Variants in CCDC198 observed in about 807,000 individuals in gnomAD.
CCDC198 encodes factor associated with metabolism and energy.
Under a neutral mutation model 35.6 loss-of-function variants are expected in CCDC198, and 18 were observed. The ratio of observed to expected loss-of-function variants is 0.51; its 90% CI spans 0.35 to 0.75. CCDC198 has a LOEUF of 0.75. CCDC198 is among the 30% of genes least tolerant of loss of function. The pLI, the probability that CCDC198 is intolerant of heterozygous loss-of-function variation, is 0.01. For synonymous variants in CCDC198, 119 were observed against 113.4 expected (o/e 1.05, Z -0.31); for missense variants, 365 against 343.7 (o/e 1.06, Z -0.49).
At chr14:57,484,743 C>T (rs1437016448) in intron 2 of CCDC198, among the ~76,000 whole-genome samples, 2 of 152,154 alleles carry the variant, frequency 1.3e-5, no homozygotes, top group Non-Finnish European at 2.9e-5. Context: ...CATGCAGGGC[C>T]TGACAGGCCA....
intron 5 of CCDC198, among the ~76,000 whole-genome samples, 194 bp from the exon 6 acceptor site, chr14:57,471,784 AGTT>A (rs1228477056): frequency 6.7e-6 from 1 of 149,918 alleles, no homozygotes; most frequent in East Asian, 1.9e-4. Context: ...AACATTTTTT[AGTT>A]GTTATTTTTT....
intron 5 of CCDC198, chr14:57,475,506 A>T: frequency 9.3e-7 from 1 of 1,070,578 alleles, no homozygotes. Flanking sequence ...CAGGAGTTCG[A>T]GACCAGCTTG....
Position 57,470,769 on chromosome 14 carries a change from A to G in CCDC198, c.*586T>C, listed in dbSNP as rs1179412082. ...GTAGTCCTCTTCTGCATTAACTCCA[A>G]GCTGGTCTATGACTTTAACCAACAG... is the stretch of plus-strand genomic sequence containing the variant. On this transcript the variant is annotated 3_prime_UTR_variant, in exon 6 of 6. Coordinates refer to ENST00000216445, the MANE Select transcript of CCDC198 (RefSeq NM_018168.4). The G allele has an allele frequency of 6.6e-6, 1 of 152,370 alleles. No individual in the cohort carries two copies. Among genetic ancestry groups the G allele is most frequent in the African/African-American group, 2.4e-5 (1 of 41,462 alleles). The allele number at this position is 152,370 out of a possible 1,614,324, so 9.4% of individuals were successfully genotyped here.
rs532102715 is a variant in CCDC198, at chr14:57,492,567, T to G, written c.223+926A>C. 7.9e-5 allele frequency among the ~76,000 whole-genome samples: 12 copies of G among 152,014 alleles called. No homozygotes were observed. In the East Asian group the frequency reaches 1.4e-3, roughly 17 times the overall value. On this transcript the variant is annotated intron_variant, in intron 1 of 5. Transcript: ENST00000216445. ...ATTCCCATCCATGTGCTTAAGAACT[T>G]GAAGAACATAAAGAACATAAAAACA... is the stretch of plus-strand genomic sequence containing the variant.
chr14:57,472,266 C>T (rs1380726642), intron 5 of CCDC198, among the ~76,000 whole-genome samples: 3 of 152,076 alleles, frequency 2.0e-5, no homozygotes, highest in Non-Finnish European at 4.4e-5. Context: ...TTTCTTTCTC[C>T]CACAATCTCT....
At chr14:57,485,846 C>G (rs2067341438) in intron 2 of CCDC198, among the ~76,000 whole-genome samples, 1 of 152,202 alleles carries the variant, frequency 6.6e-6, no homozygotes. Flanking sequence ...AAGTGGTTCT[C>G]TGTTCCATTC....
rs1460677020 is a variant in CCDC198 at position 57,483,208 on chromosome 14, A to G, written c.307-57T>C. ...TCCTCATGCCATGAGATGATGAAAC[A>G]GAAAAGCCAGACATTAAATTATCTT... On this transcript the variant is annotated intron_variant, in intron 2 of 5. Transcript: ENST00000216445. 3.7e-6 allele frequency: 6 copies of G among 1,612,832 alleles called. No individual in the cohort carries two copies. The East Asian group carries it at 1.3e-4, about 36-fold the overall frequency.
chr14:57,491,923 C>A (rs192099369), intron 1 of CCDC198, among the ~76,000 whole-genome samples: 5 of 152,102 alleles, frequency 3.3e-5, no homozygotes, highest in African/African-American at 4.8e-5. Context: ...ATAACCACTT[C>A]AAGGACTTTG....
chr14:57,476,246 A>G (rs968834070), intron 5 of CCDC198, among the ~76,000 whole-genome samples: 4 of 152,194 alleles, frequency 2.6e-5, no homozygotes, highest in Middle Eastern at 3.2e-3. Context: ...GAATTTAGCT[A>G]TATTCTTTCT....
intron 5 of CCDC198, among the ~76,000 whole-genome samples, chr14:57,480,075 C>T (rs2067131399): frequency 6.6e-6 from 1 of 152,166 alleles, no homozygotes; most frequent in Non-Finnish European, 1.5e-5. Flanking sequence ...CATTGGAGGC[C>T]TGGTTCACTG....
chr14:57,480,138 A>T, intron 5 of CCDC198: 1 of 353,952 alleles, frequency 2.8e-6, no homozygotes, highest in Non-Finnish European at 4.0e-6. Context: ...GATTCATTCT[A>T]GAAATTCTGA....
chr14:57,490,452 A>C (rs2067524527), intron 2 of CCDC198, among the ~76,000 whole-genome samples: 1 of 152,184 alleles, frequency 6.6e-6, no homozygotes, highest in South Asian at 2.1e-4. Context: ...AGGACTATAG[A>C]AATTACTTAT....
Position 57,471,570 on chromosome 14 carries a change from A to G in CCDC198, c.676T>C (p.Phe226Leu). The change falls in exon 6 of 6, where the codon TTT (phenylalanine) becomes CTT (leucine). Residue 226 changes from phenylalanine to leucine, a missense_variant. Transcript: ENST00000216445. ...TTATTCACTGCTTGATGTTTCAAAA[A>G]TTCTGTATTCTTTGAATTTCCTACA... The part of the protein sequence containing the change: ...RGPGNSKNTE[F>L]LKHQAVNNYC... The G allele has an allele frequency of 6.3e-7, 1 of 1,583,520 alleles. No homozygotes were observed. The highest frequency in any genetic ancestry group is 8.6e-7 in the Non-Finnish European group (1 of 1,165,980).
chr14:57,475,788 C>CTTTTTTTTTTTTT (rs548486752), intron 5 of CCDC198: 6 of 108,836 alleles, frequency 5.5e-5, no homozygotes, highest in Non-Finnish European at 8.2e-5. Flanking sequence ...CACTTAGCTT[C>CTTTTTTTTTTTTT]TTTTTTTTTT....
chr14:57,490,087 C>A (rs1594819977), intron 2 of CCDC198, among the ~76,000 whole-genome samples: 1 of 151,862 alleles, frequency 6.6e-6, no homozygotes, highest in Non-Finnish European at 1.5e-5. Context: ...AAATAAAAAC[C>A]AACTGAAACA....
intron 5 of CCDC198, among the ~76,000 whole-genome samples, chr14:57,474,471 T>C (rs2066910189): frequency 6.6e-6 from 1 of 152,224 alleles, no homozygotes; most frequent in Non-Finnish European, 1.5e-5. Context: ...GAAATATTAA[T>C]GATAGCCTAA....
At chr14:57,478,037 C>T (rs770030315) in intron 5 of CCDC198, among the ~76,000 whole-genome samples, 1 of 152,098 alleles carries the variant, frequency 6.6e-6, no homozygotes, top group Non-Finnish European at 1.5e-5. Flanking sequence ...AGCTTTTGTG[C>T]ACTACTGATG....
At chr14:57,477,990 T>A (rs1030416599) in intron 5 of CCDC198, among the ~76,000 whole-genome samples, 3 of 152,076 alleles carry the variant, frequency 2.0e-5, no homozygotes, top group Non-Finnish European at 4.4e-5. Flanking sequence ...GACTGGGTGT[T>A]CTTGAGAAGC....
chr14:57,475,477 T>C, intron 5 of CCDC198: 2 of 1,223,072 alleles, frequency 1.6e-6, no homozygotes, highest in Non-Finnish European at 1.1e-6. Context: ...GGCTCATGCC[T>C]GTAATCGGAT....
Sources: allele counts gnomAD v4.1 joint callset (sites outside exome capture counted in the v4.1 genomes callset), GRCh38; gene constraint gnomAD v4.1.1; transcripts MANE v1.5; gene names NCBI Gene and HGNC (gene_info 2026-07-23, HGNC 2026-07-21).